The following MCTP2 variants were observed in gnomAD, a reference collection of about 807,000 sequenced individuals.
The protein encoded by MCTP2 is multiple C2 and transmembrane domain containing 2, also known as multiple C2 and transmembrane domain-containing protein 2.
MCTP2 carries 132 observed loss-of-function variants against 111.6 expected under a neutral mutation model. The observed-to-expected ratio is 1.18, with a 90% CI of 1.03 to 1.37. MCTP2 has a LOEUF of 1.37. MCTP2 is among the 40% of genes most tolerant of loss of function. The pLI, the probability that MCTP2 is intolerant of heterozygous loss-of-function variation, is 0.00. For synonymous variants in MCTP2, 395 were observed against 387.7 expected, an observed-to-expected ratio of 1.02 and a Z score of -0.22; for missense variants, 1,183 against 1,067.9, an observed-to-expected ratio of 1.11 and a Z score of -1.50.
chr15:94,477,265 C>T (rs1043447970), intron 22 of MCTP2, among the ~76,000 whole-genome samples: 2 of 152,174 alleles, frequency 1.3e-5, no homozygotes, highest in Non-Finnish European at 2.9e-5. Context: ...CCTCTGAAGA[C>T]TTAGGGATGC....
intron 1 of MCTP2, among the ~76,000 whole-genome samples, chr15:94,249,017 C>T (rs557688544): frequency 1.3e-5 from 2 of 152,216 alleles, no homozygotes; most frequent in African/African-American, 4.8e-5. Context: ...GCTATTGAAG[C>T]GCTTGTGTTG....
intron 17 of MCTP2, among the ~76,000 whole-genome samples, chr15:94,437,094 G>C (rs1463827781): frequency 7.0e-6 from 1 of 143,262 alleles, no homozygotes; most frequent in East Asian, 2.1e-4. Context: ...GAGGAAATCA[G>C]TGTGGTTTGA....
chr15:94,235,660 G>A (rs1018377969), intron 1 of MCTP2, among the ~76,000 whole-genome samples: 7 of 152,074 alleles, frequency 4.6e-5, no homozygotes, highest in Admixed American at 1.3e-4. Context: ...CTTAATCTTC[G>A]GTACAAACCC....
intron 4 of MCTP2, among the ~76,000 whole-genome samples, chr15:94,337,919 G>A (rs1306594945): frequency 1.3e-5 from 2 of 152,070 alleles, no homozygotes; most frequent in African/African-American, 2.4e-5. Context: ...ATTTTAGTTC[G>A]TAGTGATGTT....
At chr15:94,241,543 T>G (rs2070957312) in intron 1 of MCTP2, among the ~76,000 whole-genome samples, 1 of 152,158 alleles carries the variant, frequency 6.6e-6, no homozygotes, top group African/African-American at 2.4e-5. Context: ...GCTGACTGAC[T>G]TAGTACTTAC....
intron 18 of MCTP2, among the ~76,000 whole-genome samples, chr15:94,442,538 CATT>C (rs1381238160): frequency 1.3e-5 from 2 of 152,210 alleles, no homozygotes; most frequent in African/African-American, 4.8e-5. Context: ...AGAGAGCAGT[CATT>C]ATAACAATGA....
chr15:94,260,198 G>A (rs191854962), intron 1 of MCTP2, among the ~76,000 whole-genome samples: 12 of 152,258 alleles, frequency 7.9e-5, no homozygotes, highest in Non-Finnish European at 1.3e-4. Flanking sequence ...CTGTTCCTCA[G>A]GGGCAATAAG....
intron 21 of MCTP2, among the ~76,000 whole-genome samples, chr15:94,474,514 G>T (rs879211849): frequency 1.3e-5 from 2 of 152,166 alleles, no homozygotes; most frequent in East Asian, 3.8e-4. Context: ...AAGCCAGAAC[G>T]GGGGCCCAGG....
chr15:94,243,132 GGTGTGGATATATTTATATACGT>G lies in MCTP2; in HGVS notation c.-66+11474_-66+11495del, dbSNP rs1272026740. ...ACGGGTGTGTATATATGTATCTACG[GGTGTGGATATATTTATATACGT>G]GTGTGTATATACATACGTACGTATG... On this transcript the variant is annotated intron_variant, in intron 1 of 22. Coordinates refer to ENST00000357742, the MANE Select transcript of MCTP2 (RefSeq NM_001385001.1). Among the ~76,000 whole-genome samples the G allele has an allele frequency of 1.1e-4, 16 of 144,168 alleles. 2 individuals carry two copies. The highest frequency in any genetic ancestry group is 6.5e-4 in the East Asian group (3 of 4,604). The allele number at this position is 144,168 out of a possible 152,430, so 94.6% of individuals were successfully genotyped here. A position where few individuals can be genotyped will look rare whatever the true frequency, so the allele number is the denominator to read the frequency against.
At chr15:94,478,300 A>G (rs979706788) in intron 22 of MCTP2, among the ~76,000 whole-genome samples, 1 of 152,250 alleles carries the variant, frequency 6.6e-6, no homozygotes, top group Non-Finnish European at 1.5e-5. Flanking sequence ...GCATGAACAC[A>G]GAGAGATGCA....
At chr15:94,386,801 TAAAAA>T (rs1246713944) in intron 14 of MCTP2, among the ~76,000 whole-genome samples, 1 of 131,140 alleles carries the variant, frequency 7.6e-6, no homozygotes, top group African/African-American at 2.5e-5. Flanking sequence ...GAACATGACT[TAAAAA>T]CAAAACAAAA....
At position 94,391,257 on chromosome 15, in the gene MCTP2, G is replaced by A. The variant is rs139533271; in HGVS notation, c.1788+5732G>A. ...GGCTTGTACCAAATAAATGCCATGT[G>A]TATCTCCATTTGCATTTTCAATTAA... On this transcript the variant is annotated intron_variant, in intron 14 of 22. Transcript: ENST00000357742. Among the ~76,000 whole-genome samples, 140 of 152,218 alleles carry A rather than the reference G, an allele frequency of 9.2e-4. 1 individual carries two copies. Among genetic ancestry groups the A allele is most frequent in the African/African-American group, 3.2e-3 (133 of 41,526 alleles).
chr15:94,442,879 T>G, intron 18 of MCTP2, 40 bp from the exon 19 acceptor site: 1 of 1,568,170 alleles, frequency 6.4e-7, no homozygotes, highest in Non-Finnish European at 8.8e-7. Flanking sequence ...TTTGTTAATT[T>G]CGGTTGATGT....
intron 21 of MCTP2, among the ~76,000 whole-genome samples, chr15:94,471,213 G>T (rs541948307): frequency 6.6e-6 from 1 of 152,188 alleles, no homozygotes. Context: ...GCCGTTCTCC[G>T]TAAAGGGTCT....
intron 17 of MCTP2, among the ~76,000 whole-genome samples, chr15:94,429,884 G>T (rs968608335): frequency 6.6e-6 from 1 of 152,162 alleles, no homozygotes; most frequent in Non-Finnish European, 1.5e-5. Flanking sequence ...TACAGACTTT[G>T]TCTCAATGCA....
intron 17 of MCTP2, among the ~76,000 whole-genome samples, chr15:94,424,571 A>G (rs147855512): frequency 5.6e-4 from 86 of 152,260 alleles, no homozygotes; most frequent in African/African-American, 1.8e-3. Context: ...TTTGAGATCT[A>G]CTGCTCTAGG....
rs1344236186 is a variant in MCTP2, at chr15:94,399,886, A to T, written c.1891-35A>T. 3.8e-6 allele frequency: 6 copies of T among 1,586,736 alleles called. No homozygotes were observed. In the South Asian group the frequency reaches 4.4e-5, roughly 12 times the overall value. On this transcript the variant is annotated intron_variant, in intron 15 of 22. Coordinates refer to ENST00000357742, the MANE Select transcript of MCTP2 (RefSeq NM_001385001.1). ...AACTAGGTGGATGAAGTCCCTATAC[A>T]TGCTGCCCTTTTTTAACAAGGATGT... is the stretch of plus-strand genomic sequence containing the variant.
At chr15:94,384,502 G>A (rs574498365) in intron 13 of MCTP2, among the ~76,000 whole-genome samples, 1 of 152,266 alleles carries the variant, frequency 6.6e-6, no homozygotes, top group South Asian at 2.1e-4. Flanking sequence ...CAGATTATCT[G>A]TGACTCCTTA....
intron 1 of MCTP2, among the ~76,000 whole-genome samples, chr15:94,288,071 T>A (rs974179002): frequency 6.6e-6 from 1 of 152,140 alleles, no homozygotes; most frequent in African/African-American, 2.4e-5. Context: ...AATAATGGGT[T>A]AGGGAGGGGC....
Sources: allele counts gnomAD v4.1 joint callset (sites outside exome capture counted in the v4.1 genomes callset), GRCh38; gene constraint gnomAD v4.1.1; transcripts MANE v1.5; gene names NCBI Gene and HGNC (gene_info 2026-07-23, HGNC 2026-07-21).